The following DENND11 variants were observed in gnomAD, a reference collection of about 807,000 sequenced individuals.
DENND11 encodes the protein DENN domain containing 11.
Under a neutral mutation model 49.2 loss-of-function variants are expected in DENND11, and 34 were observed. The observed-to-expected ratio is 0.69, with a 90% CI of 0.53 to 0.92. The LOEUF is 0.92. Among genes scored for constraint, DENND11 ranks in the 40% least tolerant of loss-of-function variants. DENND11 has a pLI of 0.00. For synonymous variants in DENND11, 238 were observed against 230.3 expected (o/e 1.03, Z -0.30); for missense variants, 475 against 581.6 (o/e 0.82, Z 1.88).
rs869107786 is a variant in DENND11, at chr7:141,685,012, C to CAAAA, written c.527+462_527+465dup. Among the ~76,000 whole-genome samples the CAAAA allele has an allele frequency of 2.4e-3, 96 of 40,192 alleles. 4 individuals are homozygous for CAAAA. Among genetic ancestry groups the CAAAA allele is most frequent in the East Asian group, 3.8e-3 (4 of 1,050 alleles). The allele number at this position is 40,192 out of a possible 152,430, so 26.4% of individuals were successfully genotyped here. On this transcript the variant is annotated intron_variant, in intron 3 of 8. Coordinates refer to ENST00000536163, the MANE Select transcript of DENND11 (RefSeq NM_001080392.2). Reference sequence around the variant, plus strand: ...CAATATAGTAAGAGCCTGTCTCTACCAAAAAAAAAAAAAAAAAATATATAT... The same window carrying CAAAA: ...CAATATAGTAAGAGCCTGTCTCTACCAAAAAAAAAAAAAAAAAAAAAATATATAT...
intron 4 of DENND11, among the ~76,000 whole-genome samples, chr7:141,669,535 C>G (rs865793384): frequency 5.3e-5 from 8 of 152,092 alleles, no homozygotes; most frequent in Middle Eastern, 3.4e-3. Flanking sequence ...CATGAGCCGC[C>G]GTGCTCAGAC....
chr7:141,689,193 G>A lies in DENND11; in HGVS notation c.269-2535C>T, dbSNP rs150609582. Among the ~76,000 whole-genome samples the A allele has an allele frequency of 4.5e-3, 683 of 152,262 alleles. 9 individuals are homozygous for A. The highest frequency in any genetic ancestry group is 0.016 in the African/African-American group (644 of 41,542). On this transcript the variant is annotated intron_variant, in intron 1 of 8. Transcript: ENST00000536163. ...CACTATTCACAATAGCAAAGACATG[G>A]AATCAACCCAAATGCCTATCAATGG...
At chr7:141,664,532 A>G (rs1797856298) in intron 7 of DENND11, among the ~76,000 whole-genome samples, 1 of 152,228 alleles carries the variant, frequency 6.6e-6, no homozygotes, top group Non-Finnish European at 1.5e-5. Flanking sequence ...GATACATATA[A>G]GCAAGCTTCT....
In DENND11 at chr7:141,700,490, A is replaced by AAAG. The variant is rs1554411988; in HGVS notation, c.268+1395_268+1396insCTT. Reference sequence around the variant, plus strand: ...GAGACACTGTCTGAAAAAAAAAAAAAAGAGAGAGAAAAAAGAATGCATTAC... The same window carrying AAAG: ...GAGACACTGTCTGAAAAAAAAAAAAAAAGAGAGAGAGAAAAAAGAATGCATTAC... On this transcript the variant is annotated intron_variant, in intron 1 of 8. Coordinates refer to ENST00000536163, the MANE Select transcript of DENND11 (RefSeq NM_001080392.2). Among the ~76,000 whole-genome samples, 16 of 151,950 alleles carry AAAG rather than the reference A, an allele frequency of 1.1e-4. No individual in the cohort carries two copies. The East Asian group carries it at 2.3e-3, about 22-fold the overall frequency.
intron 4 of DENND11, among the ~76,000 whole-genome samples, chr7:141,673,491 A>C (rs1587211266): frequency 6.6e-6 from 1 of 152,258 alleles, no homozygotes; most frequent in South Asian, 2.1e-4. Flanking sequence ...CTCTTGGCAT[A>C]ATTTCTCTAC....
chr7:141,693,758 T>C (rs1430829986), intron 1 of DENND11, among the ~76,000 whole-genome samples: 2 of 152,146 alleles, frequency 1.3e-5, no homozygotes, highest in Non-Finnish European at 1.5e-5. Flanking sequence ...CTACATACTA[T>C]ATGATTTCAA....
intron 3 of DENND11, among the ~76,000 whole-genome samples, chr7:141,677,731 T>C (rs1414451563): frequency 1.3e-5 from 2 of 151,648 alleles, no homozygotes; most frequent in Admixed American, 6.6e-5. Flanking sequence ...AAAGAACTAT[T>C]TCTAGACATG....
intron 3 of DENND11, among the ~76,000 whole-genome samples, chr7:141,685,059 T>C (rs1375879297): frequency 1.8e-4 from 26 of 142,844 alleles, no homozygotes; most frequent in African/African-American, 6.4e-4. Context: ...TATATATATA[T>C]TTTTAAGTTC....
In DENND11 at chr7:141,687,463, A is replaced by AT. The variant is rs754606947; in HGVS notation, c.269-806dup. ...ATGTTATGACAGAGGATAAGGTGCG[A>AT]TTTTTTTTTTTTTTTCTCGAGACTG... On this transcript the variant is annotated intron_variant, in intron 1 of 8. Coordinates refer to ENST00000536163, the MANE Select transcript of DENND11 (RefSeq NM_001080392.2). Among the ~76,000 whole-genome samples, 458 of 141,856 alleles carry AT rather than the reference A, an allele frequency of 3.2e-3. 2 individuals carry two copies. Among genetic ancestry groups the AT allele is most frequent in the South Asian group, 0.015 (69 of 4,458 alleles). The allele number at this position is 141,856 out of a possible 152,430, so 93.1% of individuals were successfully genotyped here. A position where few individuals can be genotyped will look rare whatever the true frequency, so the allele number is the denominator to read the frequency against.
chr7:141,678,867 G>A (rs563926371), intron 3 of DENND11, among the ~76,000 whole-genome samples: 2 of 152,222 alleles, frequency 1.3e-5, no homozygotes, highest in South Asian at 2.1e-4. Context: ...GTTATGAGTC[G>A]TAGGTCCCTT....
At chr7:141,675,267 G>C (rs909523669) in intron 3 of DENND11, among the ~76,000 whole-genome samples, 1 of 152,198 alleles carries the variant, frequency 6.6e-6, no homozygotes, top group African/African-American at 2.4e-5. Context: ...AGCTCAGGGA[G>C]AGTCCTGGAA....
At chr7:141,680,456 CT>C (rs1798132168) in intron 3 of DENND11, among the ~76,000 whole-genome samples, 1 of 152,032 alleles carries the variant, frequency 6.6e-6, no homozygotes, top group African/African-American at 2.4e-5. Context: ...AGATTTTTCA[CT>C]TTATGTGAGT....
intron 3 of DENND11, 62 bp downstream of exon 3, chr7:141,685,416 G>C (rs979068936): frequency 6.3e-7 from 1 of 1,584,892 alleles, no homozygotes; most frequent in East Asian, 2.2e-5. Context: ...CCGAGGGCTC[G>C]TGCCATATGC....
chr7:141,702,099 C>T lies in DENND11; in HGVS notation c.55G>A (p.Val19Ile). 1 of 984,750 alleles carries T rather than the reference C, an allele frequency of 1.0e-6. No homozygotes were observed. Among genetic ancestry groups the T allele is most frequent in the Middle Eastern group, 5.2e-4 (1 of 1,924 alleles). The allele number at this position is 984,750 out of a possible 1,614,324, so 61.0% of individuals were successfully genotyped here. ...GGCTGCGGGGCCTGCGGCAGGGAGA[C>T]GGCGGGGCCCTCGGCCCAGCGCAGC... is the stretch of plus-strand genomic sequence containing the variant. ...PLLRWAEGPA[V>I]SLPQAPQPQA... is the part of the protein sequence containing the mutation. The change falls in exon 1 of 9, where the codon GTC becomes ATC. Residue 19 changes from valine (V) to isoleucine (I), a missense_variant. Val to Ile is a conservative substitution (Grantham distance 29). Transcript: ENST00000536163.
chr7:141,678,706 G>A (rs981102648), intron 3 of DENND11, among the ~76,000 whole-genome samples: 6 of 152,072 alleles, frequency 3.9e-5, no homozygotes, highest in Non-Finnish European at 7.4e-5. Flanking sequence ...TTTAAATAAC[G>A]TAACACATAA....
chr7:141,667,367 A>G (rs769879987), intron 4 of DENND11, among the ~76,000 whole-genome samples: 11 of 152,204 alleles, frequency 7.2e-5, no homozygotes, highest in Non-Finnish European at 1.5e-4. Flanking sequence ...ACTAACAGGG[A>G]GATCTGGGGA....
Position 141,664,191 on chromosome 7 carries a change from C to T in DENND11, c.1153G>A (p.Glu385Lys). Residue 385 changes from glutamate (E) to lysine (K), a missense_variant, in exon 8 of 9, where the codon GAA becomes AAA. Physicochemically the swap from Glu to Lys is moderately conservative, Grantham distance 56. Transcript: ENST00000536163. ...ACTCACAGCACGAAGAGGTCCTCTT[C>T]ACAAGGGTTGTAGTCTTCTTCTACT... ...QEVEEDYNPC[E>K]EDLFVLFFLE... 6.3e-7 allele frequency: 1 copy of T among 1,584,000 alleles called. No individual in the cohort carries two copies. Among genetic ancestry groups the T allele is most frequent in the South Asian group, 1.2e-5 (1 of 86,576 alleles).
chr7:141,687,670 T>C (rs561785189), intron 1 of DENND11, among the ~76,000 whole-genome samples: 4 of 145,052 alleles, frequency 2.8e-5, no homozygotes, highest in African/African-American at 5.0e-5. Flanking sequence ...GTCTTGCTCT[T>C]GTCACCCAGG....
intron 3 of DENND11, among the ~76,000 whole-genome samples, chr7:141,674,940 G>C (rs1419675796): frequency 1.3e-5 from 2 of 152,154 alleles, no homozygotes; most frequent in Non-Finnish European, 2.9e-5. Flanking sequence ...GTGGAGCGCA[G>C]GAGCACTGTG....
Sources: gnomAD v4.1 joint callset for allele counts (sites outside exome capture counted in the v4.1 genomes callset) on GRCh38, gnomAD v4.1.1 for gene constraint, MANE v1.5 for transcripts, NCBI Gene and HGNC (gene_info 2026-07-23, HGNC 2026-07-21) for gene names.